CHIC2: variants seen among roughly 807,000 people sequenced by gnomAD.
CHIC2 encodes the protein cysteine rich hydrophobic domain 2.
A neutral mutation model predicts 25.9 loss-of-function variants in CHIC2; 14 were observed. That is an observed-to-expected ratio of 0.54 (90% CI 0.36 to 0.85). CHIC2 has a LOEUF of 0.85. CHIC2 is among the 40% of genes least tolerant of loss of function. The probability of loss-of-function intolerance (pLI) is 0.01; values close to 1 mark genes in which losing one functional copy is unlikely to be tolerated. For synonymous variants in CHIC2, 70 were observed against 72.0 expected, an observed-to-expected ratio of 0.97 and a Z score of 0.14; for missense variants, 146 against 202.0, an observed-to-expected ratio of 0.72 and a Z score of 1.68.
chr4:54,072,844 G>C, the CHIC2 span, among the ~76,000 whole-genome samples: 1 of 152,138 alleles, frequency 6.6e-6, no homozygotes, highest in Non-Finnish European at 1.5e-5. Flanking sequence ...AGGCCAAGGC[G>C]GATGGATCAC....
upstream of CHIC2, chr4:54,064,829 C>T (rs1460024207): frequency 9.4e-6 from 2 of 212,746 alleles, no homozygotes; most frequent in Non-Finnish European, 1.6e-5. This position sits in a 1 kb window ranked among gnomAD's most constrained non-coding sequence, Gnocchi z 4.2. Context: ...CGCCGGCGGG[C>T]CCCCCTCCGC....
At chr4:54,074,008 AT>A in the CHIC2 span, among the ~76,000 whole-genome samples, 1 of 152,036 alleles carries the variant, frequency 6.6e-6, no homozygotes, top group African/African-American at 2.4e-5. Context: ...AAATTCAAAA[AT>A]TAGCCGGGCA....
At chr4:54,086,830 C>T in the CHIC2 span, 1 of 497,142 alleles carries the variant, frequency 2.0e-6, no homozygotes, top group South Asian at 2.0e-5. Context: ...CTGTATCCTC[C>T]TAGACCATCC....
At chr4:54,072,028 C>A in the CHIC2 span, among the ~76,000 whole-genome samples, 686 of 151,842 alleles carry the variant, frequency 4.5e-3, 5 homozygotes, top group African/African-American at 0.015. Context: ...GGTGCGGTGG[C>A]TCACGTCTGT....
intron 3 of CHIC2, 125 bp from the exon 4 acceptor site, chr4:54,014,244 A>G (rs1560380314): frequency 1.4e-6 from 1 of 698,470 alleles, no homozygotes; most frequent in East Asian, 2.7e-5. Flanking sequence ...GGTGTGCATC[A>G]CTATCGATGT....
At chr4:54,074,686 AT>A in the CHIC2 span, among the ~76,000 whole-genome samples, 13 of 150,286 alleles carry the variant, frequency 8.7e-5, no homozygotes, top group African/African-American at 2.2e-4. Context: ...TATTTATGTG[AT>A]TTTTTTTCTG....
the CHIC2 span, among the ~76,000 whole-genome samples, chr4:54,077,385 C>T: frequency 6.6e-6 from 1 of 152,184 alleles, no homozygotes; most frequent in African/African-American, 2.4e-5. Flanking sequence ...CTCTTCCAGT[C>T]TTTCTCCTTG....
intron 3 of CHIC2, among the ~76,000 whole-genome samples, chr4:54,030,202 A>G (rs929035392): frequency 6.6e-6 from 1 of 152,180 alleles, no homozygotes; most frequent in African/African-American, 2.4e-5. Context: ...GAAAAAACCT[A>G]AGAAACCTAT....
chr4:54,011,316 C>CA (rs1188301694), intron 5 of CHIC2, among the ~76,000 whole-genome samples: 1 of 152,086 alleles, frequency 6.6e-6, no homozygotes, highest in African/African-American at 2.4e-5. Context: ...AGGTATCCTG[C>CA]ACTAAGGCTT....
upstream of CHIC2, among the ~76,000 whole-genome samples, chr4:54,067,105 T>C (rs1369081455): frequency 6.6e-6 from 1 of 152,242 alleles, no homozygotes. Context: ...TCCAGAACAC[T>C]GTGACTTAAT....
chr4:54,043,896 A>C (rs1242801223), intron 3 of CHIC2, among the ~76,000 whole-genome samples: 18 of 152,244 alleles, frequency 1.2e-4, no homozygotes, highest in Admixed American at 1.2e-3. Flanking sequence ...AGTGTGCTGT[A>C]TTCAGGAAAC....
chr4:54,064,344 G>A lies in CHIC2; in HGVS notation c.-44C>T, dbSNP rs765838305. 1 of 1,609,920 alleles carries A rather than the reference G, an allele frequency of 6.2e-7. No homozygotes were observed. The highest frequency in any genetic ancestry group is 1.7e-5 in the Admixed American group (1 of 59,574). The stretch of plus-strand genomic sequence containing the variant: ...CCTGCCCAAAGGGCCTGACTCCCGG[G>A]GTTGGCGCCGGGGTACCGGCGGGCG... On this transcript the variant is annotated 5_prime_UTR_variant, in exon 1 of 6. Coordinates refer to ENST00000263921, the MANE Select transcript of CHIC2 (RefSeq NM_012110.4). The surrounding 1 kb of genome is among the most constrained non-coding windows in gnomAD (Gnocchi z 4.2).
the CHIC2 span, among the ~76,000 whole-genome samples, chr4:54,090,115 C>T: frequency 6.6e-6 from 1 of 152,220 alleles, no homozygotes; most frequent in South Asian, 2.1e-4. Flanking sequence ...TCTTCAGACA[C>T]ATCTGGTCCC....
intron 5 of CHIC2, 47 bp from the exon 6 acceptor site, chr4:54,010,192 T>G (rs748431361): frequency 2.5e-5 from 36 of 1,425,316 alleles, no homozygotes; most frequent in African/African-American, 4.3e-5. Context: ...AACAAAATTT[T>G]TTCTTAAAAC....
chr4:54,010,401 C>G (rs953599649), intron 5 of CHIC2, among the ~76,000 whole-genome samples: 2 of 151,910 alleles, frequency 1.3e-5, no homozygotes, highest in South Asian at 4.1e-4. Context: ...GTAAAATCAC[C>G]AAAGTCTGAG....
At chr4:54,014,187 T>C in intron 3 of CHIC2, 68 bp from the exon 4 acceptor site, 1 of 1,388,030 alleles carries the variant, frequency 7.2e-7, no homozygotes, top group Non-Finnish European at 1.0e-6. Flanking sequence ...GCAGCTGCTT[T>C]TTCTGTGAAA....
chr4:54,074,216 TA>T, the CHIC2 span, among the ~76,000 whole-genome samples: 1 of 152,154 alleles, frequency 6.6e-6, no homozygotes, highest in Non-Finnish European at 1.5e-5. Flanking sequence ...ATTTAAGGGA[TA>T]TTTTTAATTA....
intron 3 of CHIC2, among the ~76,000 whole-genome samples, chr4:54,030,561 C>CACACACATAT (rs1553885013): frequency 6.9e-6 from 1 of 144,552 alleles, no homozygotes; most frequent in Non-Finnish European, 1.5e-5. Flanking sequence ...TGTATACACA[C>CACACACATAT]ACACACACAC....
intron 3 of CHIC2, among the ~76,000 whole-genome samples, chr4:54,032,307 TGATGCCGAGCC>T (rs1716254605): frequency 8.8e-6 from 1 of 113,786 alleles, no homozygotes; most frequent in Non-Finnish European, 1.7e-5. Flanking sequence ...GGTCTCCCTC[TGATGCCGAGCC>T]GAAGCTGGAC....
Sources: allele counts gnomAD v4.1 joint callset (sites outside exome capture counted in the v4.1 genomes callset), GRCh38; gene constraint gnomAD v4.1.1; non-coding constraint Gnocchi (gnomAD v3.1); transcripts MANE v1.5; gene names NCBI Gene and HGNC (gene_info 2026-07-23, HGNC 2026-07-21).